Variants in LNX1 observed in about 807,000 individuals in gnomAD.
LNX1 encodes ligand of numb-protein X 1.
In LNX1, 54 loss-of-function variants were observed where a neutral mutation model predicts 68.4. The ratio of observed to expected loss-of-function variants is 0.79; its 90% CI spans 0.63 to 0.99. LNX1 has a LOEUF of 0.99. Among genes scored for constraint, LNX1 ranks in the 50% least tolerant of loss-of-function variants. LNX1 has a pLI of 0.00. For missense variants in LNX1, 906 were observed against 926.4 expected (o/e 0.98, Z 0.29); for synonymous variants, 336 against 350.0 (o/e 0.96, Z 0.45).
chr4:53,593,150 A>G (rs1577773059), upstream of LNX1: 1 of 152,238 alleles, frequency 6.6e-6, no homozygotes, highest in Non-Finnish European at 1.5e-5. Context: ...GTGTTTCAGG[A>G]AAAGGTTTCA....
At chr4:53,617,387 TAATA>T in exon 1 of LNX1, 1 of 152,166 alleles carries the variant, frequency 6.6e-6, no homozygotes, top group Admixed American at 6.5e-5. Flanking sequence ...GCAACTAGGA[TAATA>T]TCCAGAAAAG....
chr4:53,639,345 G>A (rs1734592423), intron 1 of LNX1, among the ~76,000 whole-genome samples: 1 of 152,134 alleles, frequency 6.6e-6, no homozygotes, highest in African/African-American at 2.4e-5. Flanking sequence ...AGGGAGGAGT[G>A]AGTGGGGGTA....
intron 4 of LNX1, among the ~76,000 whole-genome samples, chr4:53,503,809 T>C (rs1316680597): frequency 6.6e-6 from 1 of 152,204 alleles, no homozygotes; most frequent in East Asian, 1.9e-4. Flanking sequence ...AGATGGCATC[T>C]TCTCCCAATA....
At chr4:53,556,211 G>A (rs1242232578) in intron 2 of LNX1, among the ~76,000 whole-genome samples, 1 of 152,150 alleles carries the variant, frequency 6.6e-6, no homozygotes, top group Non-Finnish European at 1.5e-5. Flanking sequence ...AGAAGGACAT[G>A]TACAGACAGG....
chr4:53,467,209 G>A (rs1053778987), intron 9 of LNX1, among the ~76,000 whole-genome samples: 4 of 152,102 alleles, frequency 2.6e-5, no homozygotes, highest in African/African-American at 7.2e-5. Flanking sequence ...TGTAGACACC[G>A]CTGCTGATAC....
intron 1 of LNX1, among the ~76,000 whole-genome samples, chr4:53,622,840 G>C (rs1298518783): frequency 6.6e-6 from 1 of 152,126 alleles, no homozygotes; most frequent in African/African-American, 2.4e-5. Flanking sequence ...TCTGCCACAG[G>C]ACTTGGAAAT....
intron 2 of LNX1, among the ~76,000 whole-genome samples, chr4:53,531,876 G>A (rs574722538): frequency 3.9e-5 from 6 of 152,232 alleles, no homozygotes; most frequent in African/African-American, 1.4e-4. Context: ...ACAACATCCT[G>A]GCAATATATT....
In LNX1 at chr4:53,508,036, C is replaced by T. The variant is rs371447924; in HGVS notation, c.572G>A (p.Gly191Glu). The T allele has an allele frequency of 3.7e-6, 6 of 1,614,114 alleles. No individual in the cohort carries two copies. The highest frequency in any genetic ancestry group is 5.1e-6 in the Non-Finnish European group (6 of 1,180,004). ...NPAYVSSAED[G>E]QPAISPVDSG... Reference sequence around the variant, plus strand: ...GTCCACTGGGCTGATTGCTGGCTGCCCGTCCTCTGCCGAGGACACGTAGGC... The same window carrying T: ...GTCCACTGGGCTGATTGCTGGCTGCTCGTCCTCTGCCGAGGACACGTAGGC... Residue 191 changes from glycine (G) to glutamate (E), a missense_variant, in exon 3 of 11, where the codon GGG becomes GAG. Transcript: ENST00000263925.
intron 1 of LNX1, chr4:53,575,702 G>A: frequency 7.2e-7 from 1 of 1,396,938 alleles, no homozygotes; most frequent in Non-Finnish European, 9.3e-7. Flanking sequence ...AATCAAGGAG[G>A]AAGCAGCAGC....
intron 1 of LNX1, among the ~76,000 whole-genome samples, chr4:53,648,899 C>T (rs1322698467): frequency 6.6e-6 from 1 of 152,136 alleles, no homozygotes; most frequent in Non-Finnish European, 1.5e-5. Context: ...TCACTATTGC[C>T]CTGAAACCCA....
At chr4:53,477,225 C>T (rs573951326) in intron 8 of LNX1, among the ~76,000 whole-genome samples, 22 of 152,220 alleles carry the variant, frequency 1.4e-4, no homozygotes, top group East Asian at 5.8e-4. Flanking sequence ...ACAAGAATAC[C>T]GCTGAAGGAA....
chr4:53,565,196 G>C (rs1263937421), intron 2 of LNX1, among the ~76,000 whole-genome samples: 1 of 152,106 alleles, frequency 6.6e-6, no homozygotes, highest in Non-Finnish European at 1.5e-5. Context: ...CTGGGGGCAG[G>C]GCACAGACAA....
At chr4:53,629,896 T>A (rs370569537) in intron 1 of LNX1, among the ~76,000 whole-genome samples, 1 of 152,130 alleles carries the variant, frequency 6.6e-6, no homozygotes, top group Non-Finnish European at 1.5e-5. Flanking sequence ...TCTATATGTA[T>A]GCACAATAAA....
chr4:53,460,686 G>A lies in LNX1; in HGVS notation c.*221C>T, dbSNP rs1721838295. The A allele has an allele frequency of 5.4e-5, 26 of 481,898 alleles. 2 individuals carry two copies. In the South Asian group the frequency reaches 7.6e-4, roughly 14 times the overall value. 29.9% of individuals were successfully genotyped at this position (481,898 alleles called of 1,614,324 possible). A position where few individuals can be genotyped will look rare whatever the true frequency, so the allele number is the denominator to read the frequency against. The stretch of plus-strand genomic sequence containing the variant: ...GAAAAAATATAAACAATGTTGTAGA[G>A]TAATGAGAAATCCTCCACACTGAAA... On this transcript the variant is annotated 3_prime_UTR_variant, in exon 11 of 11. Coordinates refer to ENST00000263925, the MANE Select transcript of LNX1 (RefSeq NM_001126328.3).
At chr4:53,613,061 A>T (rs1187876244) in intron 2 of LNX1, among the ~76,000 whole-genome samples, 2 of 150,176 alleles carry the variant, frequency 1.3e-5, no homozygotes, top group Non-Finnish European at 2.9e-5. Flanking sequence ...TTATATAGCC[A>T]TGAGTAAAAA....
chr4:53,517,323 T>C (rs1726861080), intron 2 of LNX1, among the ~76,000 whole-genome samples: 1 of 152,190 alleles, frequency 6.6e-6, no homozygotes, highest in South Asian at 2.1e-4. Context: ...ATTTCATGAC[T>C]CCTTTAGTGA....
At chr4:53,619,470 T>G (rs1183903659), upstream of LNX1, among the ~76,000 whole-genome samples, 1 of 152,188 alleles carries the variant, frequency 6.6e-6, no homozygotes, top group Non-Finnish European at 1.5e-5. Context: ...GTGTCAGACT[T>G]CTTTCTTAGC....
intron 1 of LNX1, among the ~76,000 whole-genome samples, chr4:53,582,026 G>T (rs1429889895): frequency 1.3e-5 from 2 of 152,018 alleles, no homozygotes; most frequent in Non-Finnish European, 2.9e-5. Context: ...CTTAAATTTT[G>T]CACCTGAAGG....
intron 1 of LNX1, among the ~76,000 whole-genome samples, chr4:53,650,235 A>G (rs1175249782): frequency 6.6e-6 from 1 of 152,186 alleles, no homozygotes; most frequent in Non-Finnish European, 1.5e-5. Context: ...CAGTCCTTAA[A>G]TACATTACAT....
Sources: gnomAD v4.1 joint callset for allele counts (sites outside exome capture counted in the v4.1 genomes callset) on GRCh38, gnomAD v4.1.1 for gene constraint, MANE v1.5 for transcripts, NCBI Gene and HGNC (gene_info 2026-07-23, HGNC 2026-07-21) for gene names.